Variants in B4GALNT2 observed in about 807,000 individuals in gnomAD.
The protein encoded by B4GALNT2 is N-acetylneuraminylgalactosylglucosyl-glucoside beta-1,4-N- acetylgalactosaminyltransferase 2.
Under a neutral mutation model 51.1 loss-of-function variants are expected in B4GALNT2, and 42 were observed. That is an observed-to-expected ratio of 0.82 (90% CI 0.64 to 1.06). B4GALNT2 has a LOEUF of 1.06. Ranked by LOEUF, B4GALNT2 falls within the 50% of genes least tolerant of loss-of-function variation. The pLI, the probability that B4GALNT2 is intolerant of heterozygous loss-of-function variation, is 0.00. For synonymous variants in B4GALNT2, 253 were observed against 251.7 expected (o/e 1.01, Z -0.05); for missense variants, 602 against 633.6 (o/e 0.95, Z 0.54).
intron 1 of B4GALNT2, among the ~76,000 whole-genome samples, chr17:49,133,397 G>A (rs1290433252): frequency 1.3e-5 from 2 of 152,154 alleles, no homozygotes; most frequent in Non-Finnish European, 2.9e-5. Context: ...AGCCTCTACG[G>A]AGTGATATAA....
Position 49,164,167 on chromosome 17 carries a change from T to C in B4GALNT2, c.846T>C (p.Ser282=). ...ACAAGCTCATGATCATGCTCCGGAG[T>C]ATTCGAGAGTATTACCCAGACTTGA... ...RPHKLMIMLR[S]IREYYPDLTV... Residue 282 remains serine, a synonymous_variant, in exon 8 of 11, where the codon AGT becomes AGC. Coordinates refer to ENST00000393354, the MANE Select transcript of B4GALNT2 (RefSeq NM_001159387.2). The C allele has an allele frequency of 6.2e-7, 1 of 1,613,708 alleles. No individual in the cohort carries two copies. The highest frequency in any genetic ancestry group is 8.5e-7 in the Non-Finnish European group (1 of 1,179,756).
In B4GALNT2 at chr17:49,174,461, T is replaced by C. The variant is rs1336725877; in HGVS notation, c.*4733T>C. On this transcript the variant is annotated 3_prime_UTR_variant, in exon 11 of 11. Transcript: ENST00000393354. Reference sequence around the variant, plus strand: ...TAAGGGGATAGTAAAGAAACAGTCTTTTAAATCTATGACTATTAAAGGCCA... The same window carrying C: ...TAAGGGGATAGTAAAGAAACAGTCTCTTAAATCTATGACTATTAAAGGCCA... The C allele has an allele frequency of 6.6e-6, 1 of 152,198 alleles. No homozygotes were observed. Among genetic ancestry groups the C allele is most frequent in the Admixed American group, 6.6e-5 (1 of 15,264 alleles). 9.4% of individuals were successfully genotyped at this position (152,198 alleles called of 1,614,324 possible). A position where few individuals can be genotyped will look rare whatever the true frequency, so the allele number is the denominator to read the frequency against.
chr17:49,166,181 A>G lies in B4GALNT2; in HGVS notation c.1022A>G (p.Asp341Gly), dbSNP rs921454316. 27 of 1,614,128 alleles carry G rather than the reference A, an allele frequency of 1.7e-5. No homozygotes were observed. Among genetic ancestry groups the G allele is most frequent in the Non-Finnish European group, 2.2e-5 (26 of 1,180,004 alleles). Reference sequence around the variant, plus strand: ...ACCAAATACGTTCTCTGGGTGGACGATGATTTTCTCTTCAACGAGGAGACC... The same window carrying G: ...ACCAAATACGTTCTCTGGGTGGACGGTGATTTTCTCTTCAACGAGGAGACC... The part of the protein sequence containing the change: ...VTTKYVLWVD[D>G]DFLFNEETKI... The change falls in exon 9 of 11, where the codon GAT (aspartate) becomes GGT (glycine). Residue 341 changes from aspartate to glycine, a missense_variant. Coordinates refer to ENST00000393354, the MANE Select transcript of B4GALNT2 (RefSeq NM_001159387.2).
chr17:49,126,448 A>G, the B4GALNT2 span, among the ~76,000 whole-genome samples: 28 of 149,056 alleles, frequency 1.9e-4, no homozygotes, highest in Admixed American at 4.7e-4. Flanking sequence ...CTATTGTCCT[A>G]TGACCCTGCC....
At position 49,141,161 on chromosome 17, in the gene B4GALNT2, A is replaced by C. The variant is rs531142225; in HGVS notation, c.15-86A>C. On this transcript the variant is annotated intron_variant, in intron 1 of 10. Coordinates refer to ENST00000393354, the MANE Select transcript of B4GALNT2 (RefSeq NM_001159387.2). The stretch of plus-strand genomic sequence containing the variant: ...AATATAAGCTATGTGCTTAGCTTAC[A>C]TTTTTCCTGAAATTATCAGTCTCAT... 1.2e-4 allele frequency: 165 copies of C among 1,320,652 alleles called. 1 individual carries two copies. The African/African-American group carries it at 2.2e-3, about 18-fold the overall frequency. 81.8% of individuals were successfully genotyped at this position (1,320,652 alleles called of 1,614,324 possible). A position where few individuals can be genotyped will look rare whatever the true frequency, so the allele number is the denominator to read the frequency against.
intron 3 of B4GALNT2, among the ~76,000 whole-genome samples, chr17:49,151,948 T>C (rs781536780): frequency 2.0e-5 from 3 of 152,218 alleles, no homozygotes; most frequent in Non-Finnish European, 4.4e-5. Context: ...GACCATGTGA[T>C]GATTGTCAAT....
At chr17:49,145,791 G>A (rs1337628628) in intron 3 of B4GALNT2, among the ~76,000 whole-genome samples, 1 of 152,184 alleles carries the variant, frequency 6.6e-6, no homozygotes, top group African/African-American at 2.4e-5. Flanking sequence ...GTAGTAGACT[G>A]ATTTTATCTT....
At chr17:49,167,038 G>A (rs1308471362) in intron 9 of B4GALNT2, among the ~76,000 whole-genome samples, 1 of 152,106 alleles carries the variant, frequency 6.6e-6, no homozygotes, top group Non-Finnish European at 1.5e-5. Flanking sequence ...TGGATGAGAA[G>A]GTAAGTGGTG....
Position 49,142,187 on chromosome 17 carries a change from G to C in B4GALNT2, c.353+15G>C. ...TTTCAGAGGAGGTAATGCGGGTCATGAAGGCCCTTGGGTTCTGAGATGGAA... is the reference window on the plus strand; with the variant it reads ...TTTCAGAGGAGGTAATGCGGGTCATCAAGGCCCTTGGGTTCTGAGATGGAA... On this transcript the variant is annotated intron_variant, in intron 3 of 10. Coordinates refer to ENST00000393354, the MANE Select transcript of B4GALNT2 (RefSeq NM_001159387.2). The C allele has an allele frequency of 6.2e-7, 1 of 1,613,942 alleles. No homozygotes were observed. The highest frequency in any genetic ancestry group is 1.1e-5 in the South Asian group (1 of 91,080).
intron 6 of B4GALNT2, among the ~76,000 whole-genome samples, chr17:49,160,199 C>T (rs544007461): frequency 1.4e-4 from 22 of 152,146 alleles, no homozygotes; most frequent in Non-Finnish European, 2.5e-4. Flanking sequence ...TAAGATTACC[C>T]TGTGAGATAA....
intron 3 of B4GALNT2, among the ~76,000 whole-genome samples, chr17:49,142,478 C>A (rs1011155366): frequency 1.3e-5 from 2 of 151,974 alleles, no homozygotes; most frequent in African/African-American, 2.4e-5. Context: ...TAGCTTGAGC[C>A]CAGGAGTTTG....
intron 1 of B4GALNT2, among the ~76,000 whole-genome samples, chr17:49,133,487 A>G (rs2042560100): frequency 6.6e-6 from 1 of 152,152 alleles, no homozygotes; most frequent in Non-Finnish European, 1.5e-5. Context: ...TACATTTGGT[A>G]TTCTTTTATC....
chr17:49,144,770 G>A (rs548835218), intron 3 of B4GALNT2, among the ~76,000 whole-genome samples: 2 of 152,058 alleles, frequency 1.3e-5, no homozygotes, highest in Non-Finnish European at 2.9e-5. Context: ...GAACTAACAG[G>A]GGGGAGAGAG....
rs1969413 is a variant in B4GALNT2 at position 49,171,768 on chromosome 17, T to C, written c.*2040T>C. ...AATAATGATTCCATAGGAATCGTTG[T>C]GCAGCACCTCTACCTGTTCTGCAAT... is the stretch of plus-strand genomic sequence containing the variant. On this transcript the variant is annotated 3_prime_UTR_variant, in exon 11 of 11. Coordinates refer to ENST00000393354, the MANE Select transcript of B4GALNT2 (RefSeq NM_001159387.2). 219,332 of 418,020 alleles carry C rather than the reference T, an allele frequency of 0.52. 59,502 individuals are homozygous for C. The highest frequency in any genetic ancestry group is 0.66 in the South Asian group (37,518 of 56,850). The allele number at this position is 418,020 out of a possible 1,614,324, so 25.9% of individuals were successfully genotyped here.
At position 49,169,671 on chromosome 17, in the gene B4GALNT2, G is replaced by T; in HGVS notation, c.1464G>T (p.Arg488=). 1 of 1,607,380 alleles carries T rather than the reference G, an allele frequency of 6.2e-7. No homozygotes were observed. Among genetic ancestry groups the T allele is most frequent in the African/African-American group, 1.3e-5 (1 of 74,898 alleles). Residue 488 remains arginine (R), a synonymous_variant, in exon 11 of 11, where the codon CGG becomes CGT. Coordinates refer to ENST00000393354, the MANE Select transcript of B4GALNT2 (RefSeq NM_001159387.2). ...YNTYRSNTLT[R]VQFKLALHYF... ...CATACCGGTCCAACACCCTCACCCG[G>T]GTCCAGTTCAAGCTGGCCCTCCACT... is the stretch of plus-strand genomic sequence containing the variant.
At chr17:49,169,255 G>A (rs1212333722) in intron 10 of B4GALNT2, among the ~76,000 whole-genome samples, 4 of 152,018 alleles carry the variant, frequency 2.6e-5, no homozygotes, top group Admixed American at 6.6e-5. Context: ...CAGCCCTGGA[G>A]TCCGCAGTTC....
At chr17:49,158,893 C>A in intron 5 of B4GALNT2, 144 bp from the exon 6 acceptor site, 2 of 929,778 alleles carry the variant, frequency 2.2e-6, no homozygotes, top group Non-Finnish European at 3.2e-6. Context: ...CAGAGCCAGC[C>A]CTACACTGTC....
At chr17:49,122,462 C>G in the B4GALNT2 span, among the ~76,000 whole-genome samples, 6 of 152,138 alleles carry the variant, frequency 3.9e-5, no homozygotes, top group Non-Finnish European at 8.8e-5. Context: ...TGGCCATGAT[C>G]CTGTCAGTTA....
intron 1 of B4GALNT2, among the ~76,000 whole-genome samples, chr17:49,135,395 G>T (rs1335895479): frequency 6.6e-6 from 1 of 150,446 alleles, no homozygotes. Flanking sequence ...CGCCTCCCAG[G>T]TTCAAGCGAT....
Sources: allele counts gnomAD v4.1 joint callset (sites outside exome capture counted in the v4.1 genomes callset), GRCh38; gene constraint gnomAD v4.1.1; transcripts MANE v1.5; gene names NCBI Gene and HGNC (gene_info 2026-07-23, HGNC 2026-07-21).